XYLT1: variants seen among roughly 807,000 people sequenced by gnomAD.
XYLT1 encodes the protein beta-D-xylosyltransferase 1.
Under a neutral mutation model 91.3 loss-of-function variants are expected in XYLT1, and 36 were observed. The observed-to-expected ratio is 0.39, with a 90% CI of 0.30 to 0.52. XYLT1 has a LOEUF of 0.52. XYLT1 is among the 20% of genes least tolerant of loss of function. The pLI is 0.68. For missense variants in XYLT1, 1,242 were observed against 1,284.5 expected (o/e 0.97, Z 0.51); for synonymous variants, 588 against 532.0 (o/e 1.11, Z -1.45).
At chr16:17,282,278 A>G (rs1363554386) in intron 2 of XYLT1, among the ~76,000 whole-genome samples, 1 of 151,554 alleles carries the variant, frequency 6.6e-6, no homozygotes, top group African/African-American at 2.4e-5. Context: ...CGACTTCCCT[A>G]CCCCCTGGCC....
At chr16:17,310,649 G>A (rs1484639583) in intron 2 of XYLT1, among the ~76,000 whole-genome samples, 1 of 152,168 alleles carries the variant, frequency 6.6e-6, no homozygotes, top group Non-Finnish European at 1.5e-5. Flanking sequence ...ATGAGTTCAA[G>A]ACCAGCCTGG....
intron 3 of XYLT1, among the ~76,000 whole-genome samples, chr16:17,216,459 C>T (rs1000174554): frequency 3.9e-5 from 6 of 152,180 alleles, no homozygotes; most frequent in Non-Finnish European, 7.3e-5. Flanking sequence ...ATTAACGCTG[C>T]CTCCTGATCA....
intron 1 of XYLT1, chr16:17,403,323 A>C (rs1408438021): frequency 2.0e-5 from 3 of 152,248 alleles, no homozygotes; most frequent in African/African-American, 7.2e-5. Context: ...CTGGCTTTGA[A>C]CCTACAAATC....
At chr16:17,253,295 G>A (rs191704802) in intron 3 of XYLT1, among the ~76,000 whole-genome samples, 38 of 152,226 alleles carry the variant, frequency 2.5e-4, no homozygotes, top group Admixed American at 9.8e-4. Flanking sequence ...AAATTAAAGC[G>A]TCGCTGAGGC....
chr16:17,165,043 G>A (rs140345159), intron 5 of XYLT1, among the ~76,000 whole-genome samples: 1 of 152,316 alleles, frequency 6.6e-6, no homozygotes, highest in East Asian at 1.9e-4. Flanking sequence ...TCAACCCAAT[G>A]TATAGAAAAC....
chr16:17,149,016 G>A lies in XYLT1; in HGVS notation c.1371-7647C>T, dbSNP rs553458701. Among the ~76,000 whole-genome samples the A allele has an allele frequency of 2.5e-3, 386 of 152,298 alleles. 4 individuals carry two copies. Among genetic ancestry groups the A allele is most frequent in the African/African-American group, 8.2e-3 (342 of 41,564 alleles). ...ATATTTTTACCTATTAGCACACTAA[G>A]GAAAAAGTCACAGCTAAATATGATC... is the stretch of plus-strand genomic sequence containing the variant. On this transcript the variant is annotated intron_variant, in intron 6 of 11. Coordinates refer to ENST00000261381, the MANE Select transcript of XYLT1 (RefSeq NM_022166.4).
intron 9 of XYLT1, among the ~76,000 whole-genome samples, chr16:17,129,698 C>T (rs1303007743): frequency 1.3e-5 from 2 of 152,070 alleles, no homozygotes; most frequent in Admixed American, 1.3e-4. Context: ...ACTGTTCAGC[C>T]CTTGAAATAT....
chr16:17,280,538 G>C (rs2034042097), intron 2 of XYLT1, among the ~76,000 whole-genome samples: 1 of 152,020 alleles, frequency 6.6e-6, no homozygotes, highest in Non-Finnish European at 1.5e-5. Flanking sequence ...AAATAATACA[G>C]TGCCCTTCCA....
intron 1 of XYLT1, among the ~76,000 whole-genome samples, chr16:17,372,215 G>C (rs1000979763): frequency 2.6e-5 from 4 of 152,172 alleles, no homozygotes; most frequent in Admixed American, 6.5e-5. Flanking sequence ...CACCAAACGA[G>C]GGAAATATTA....
In XYLT1 at chr16:17,259,038, T is replaced by A. The variant is rs762174853; in HGVS notation, c.863A>T (p.Lys288Met). The change falls in exon 3 of 12, where the codon AAG (lysine) becomes ATG (methionine). Residue 288 changes from lysine to methionine, a missense_variant. Physicochemically the swap from Lys to Met is moderately conservative, Grantham distance 95. Coordinates refer to ENST00000261381, the MANE Select transcript of XYLT1 (RefSeq NM_022166.4). ...QEIGETYCRH[K>M]LGLLMPEKVT... ...CTTCTCAGGCATCAGCAGCCCTAAC[T>A]TGTGGCGGCAGTAAGTCTCCCCAAT... 2.6e-6 allele frequency: 4 copies of A among 1,515,512 alleles called. No individual in the cohort carries two copies. In the South Asian group the frequency reaches 5.4e-5, roughly 20 times the overall value. The allele number at this position is 1,515,512 out of a possible 1,614,324, so 93.9% of individuals were successfully genotyped here. A position where few individuals can be genotyped will look rare whatever the true frequency, so the allele number is the denominator to read the frequency against.
At chr16:17,196,860 G>A (rs1472093581) in intron 5 of XYLT1, among the ~76,000 whole-genome samples, 2 of 151,746 alleles carry the variant, frequency 1.3e-5, no homozygotes, top group African/African-American at 4.8e-5. Flanking sequence ...CCTGGGGCCA[G>A]GAGTTTGAGA....
chr16:17,180,004 C>G (rs867431500), intron 5 of XYLT1, among the ~76,000 whole-genome samples: 7 of 152,238 alleles, frequency 4.6e-5, no homozygotes, highest in African/African-American at 1.7e-4. Context: ...TTCTGGGTAG[C>G]TGAGCATCTG....
At chr16:17,466,024 G>A (rs1214750926) in intron 1 of XYLT1, among the ~76,000 whole-genome samples, 2 of 152,174 alleles carry the variant, frequency 1.3e-5, no homozygotes, top group African/African-American at 2.4e-5. Context: ...CATTGGTGCC[G>A]GGGCCTCGCA....
intron 2 of XYLT1, among the ~76,000 whole-genome samples, chr16:17,332,448 G>C (rs368824941): frequency 4.1e-4 from 63 of 152,184 alleles, no homozygotes; most frequent in African/African-American, 1.5e-3. Context: ...TGTAATCCCA[G>C]CTACTCGGGA....
At chr16:17,354,680 G>T (rs151113327) in intron 2 of XYLT1, 1 of 152,346 alleles carries the variant, frequency 6.6e-6, no homozygotes, top group African/African-American at 2.4e-5. Flanking sequence ...CCAGGGCTCA[G>T]GGTACATCTG....
intron 2 of XYLT1, among the ~76,000 whole-genome samples, chr16:17,310,258 T>A (rs1006632848): frequency 2.0e-5 from 3 of 152,212 alleles, no homozygotes; most frequent in Non-Finnish European, 2.9e-5. Context: ...CCTTTGCACA[T>A]GCCACTTCCT....
intron 3 of XYLT1, among the ~76,000 whole-genome samples, chr16:17,217,091 T>C (rs2032874688): frequency 1.3e-5 from 2 of 152,234 alleles, no homozygotes; most frequent in South Asian, 4.1e-4. Context: ...TTCACAACAG[T>C]GGGTAACAAC....
chr16:17,367,192 T>C (rs566245978), intron 1 of XYLT1, among the ~76,000 whole-genome samples: 46 of 152,264 alleles, frequency 3.0e-4, no homozygotes, highest in African/African-American at 8.2e-4. Context: ...TAGAAGACAA[T>C]TGGCGACACT....
At chr16:17,444,858 G>C (rs1162942398) in intron 1 of XYLT1, among the ~76,000 whole-genome samples, 1 of 152,082 alleles carries the variant, frequency 6.6e-6, no homozygotes, top group African/African-American at 2.4e-5. Context: ...CTGAGGGAAT[G>C]AATGGATAAA....
Sources: gnomAD v4.1 joint callset for allele counts (sites outside exome capture counted in the v4.1 genomes callset) on GRCh38, gnomAD v4.1.1 for gene constraint, MANE v1.5 for transcripts, NCBI Gene and HGNC (gene_info 2026-07-23, HGNC 2026-07-21) for gene names.